EPB41L4A: variants seen among roughly 807,000 people sequenced by gnomAD.
The protein encoded by EPB41L4A is erythrocyte membrane protein band 4.1 like 4A.
A neutral mutation model predicts 108.6 loss-of-function variants in EPB41L4A; 100 were observed. The observed-to-expected ratio is 0.92, with a 90% CI of 0.78 to 1.09. The LOEUF (loss-of-function observed/expected upper bound fraction) is 1.09, where lower values mean the gene tolerates loss of function less well. Ranked by LOEUF, EPB41L4A falls within the 50% of genes least tolerant of loss-of-function variation. The pLI is 0.00. For synonymous variants in EPB41L4A, 319 were observed against 289.0 expected (o/e 1.10, Z -1.05); for missense variants, 1,030 against 842.7 (o/e 1.22, Z -2.75).
chr5:112,145,738 C>T (rs1239561223), intron 13 of EPB41L4A: 1 of 305,120 alleles, frequency 3.3e-6, no homozygotes, highest in Non-Finnish European at 6.4e-6. Flanking sequence ...ATTTGATAAA[C>T]GTGCATACAA....
chr5:112,192,554 C>T (rs1266523918), intron 17 of EPB41L4A, among the ~76,000 whole-genome samples: 4 of 152,162 alleles, frequency 2.6e-5, no homozygotes, highest in African/African-American at 9.7e-5. Flanking sequence ...CATTCAGAAT[C>T]ACCGTTATTC....
intron 2 of EPB41L4A, among the ~76,000 whole-genome samples, chr5:112,302,254 C>G (rs943086698): frequency 6.6e-6 from 1 of 152,024 alleles, no homozygotes; most frequent in African/African-American, 2.4e-5. Context: ...ACCTATAATC[C>G]TAGCACTTTG....
At chr5:112,273,505 T>A (rs539878372) in intron 4 of EPB41L4A, among the ~76,000 whole-genome samples, 1 of 152,190 alleles carries the variant, frequency 6.6e-6, no homozygotes, top group Non-Finnish European at 1.5e-5. Context: ...CTAACCCCTA[T>A]TGAAGATATA....
chr5:112,354,995 G>T (rs1758279712), intron 1 of EPB41L4A, among the ~76,000 whole-genome samples: 1 of 151,976 alleles, frequency 6.6e-6, no homozygotes, highest in East Asian at 1.9e-4. Context: ...AACAAAAGGA[G>T]GAAGGGGGAA....
At chr5:112,337,786 T>G (rs1757018646) in intron 1 of EPB41L4A, among the ~76,000 whole-genome samples, 1 of 152,094 alleles carries the variant, frequency 6.6e-6, no homozygotes, top group Non-Finnish European at 1.5e-5. Flanking sequence ...CTAGGAAAAT[T>G]GAGAGGAGAA....
intron 9 of EPB41L4A, among the ~76,000 whole-genome samples, chr5:112,251,928 CCT>C (rs1418225145): frequency 6.6e-6 from 1 of 152,062 alleles, no homozygotes; most frequent in East Asian, 1.9e-4. Flanking sequence ...ACTCTTAGGC[CCT>C]CTGTCTTGGC....
intron 2 of EPB41L4A, among the ~76,000 whole-genome samples, chr5:112,289,605 C>G (rs1339429514): frequency 6.6e-6 from 1 of 152,220 alleles, no homozygotes; most frequent in East Asian, 1.9e-4. Context: ...CCTTTGCCCT[C>G]TGGATGTTTT....
At chr5:112,369,798 C>T (rs1439362810) in intron 1 of EPB41L4A, among the ~76,000 whole-genome samples, 1 of 152,196 alleles carries the variant, frequency 6.6e-6, no homozygotes, top group East Asian at 1.9e-4. Context: ...CTTGGCACTA[C>T]TTCAGACTGG....
intron 1 of EPB41L4A, among the ~76,000 whole-genome samples, chr5:112,410,014 TC>T (rs1404471317): frequency 2.0e-5 from 3 of 152,082 alleles, no homozygotes; most frequent in African/African-American, 7.2e-5. Flanking sequence ...TGAAATGCAG[TC>T]TGGATTAGGG....
intron 15 of EPB41L4A, among the ~76,000 whole-genome samples, chr5:112,202,697 G>A (rs1169759725): frequency 1.3e-5 from 2 of 151,994 alleles, no homozygotes; most frequent in African/African-American, 2.4e-5. Flanking sequence ...AACCATCAAA[G>A]GATTTCAGTG....
At chr5:112,174,811 A>C (rs1304084835) in intron 18 of EPB41L4A, among the ~76,000 whole-genome samples, 1 of 152,204 alleles carries the variant, frequency 6.6e-6, no homozygotes, top group Non-Finnish European at 1.5e-5. Context: ...TCTGAAAGGA[A>C]ATTTAGAGTG....
intron 1 of EPB41L4A, among the ~76,000 whole-genome samples, chr5:112,377,568 C>T (rs933143756): frequency 4.3e-4 from 66 of 152,216 alleles, no homozygotes; most frequent in African/African-American, 1.5e-3. Context: ...ATTCATGAGG[C>T]CCAGCAACTC....
intron 2 of EPB41L4A, among the ~76,000 whole-genome samples, chr5:112,286,517 G>C (rs1443245711): frequency 6.6e-6 from 1 of 152,122 alleles, no homozygotes; most frequent in African/African-American, 2.4e-5. Context: ...CTCAGCTGAA[G>C]ATCTTCATTA....
chr5:112,210,160 C>T (rs17134247), intron 12 of EPB41L4A, 178 bp from the exon 13 acceptor site: 7,861 of 501,988 alleles, frequency 0.016, 514 homozygotes, highest in African/African-American at 0.13. Context: ...TATTTTCTAA[C>T]GTGTACTAAA....
At chr5:112,219,145 A>C (rs1747862991) in intron 12 of EPB41L4A, among the ~76,000 whole-genome samples, 1 of 152,172 alleles carries the variant, frequency 6.6e-6, no homozygotes, top group African/African-American at 2.4e-5. Context: ...GAAAGTTGAT[A>C]TGGTTTGGCT....
chr5:112,360,832 G>A (rs1371143798), intron 1 of EPB41L4A, among the ~76,000 whole-genome samples: 5 of 151,338 alleles, frequency 3.3e-5, no homozygotes, highest in Admixed American at 2.0e-4. Context: ...TGTGGGGAGC[G>A]CCTCTGCCCC....
At position 112,209,885 on chromosome 5, in the gene EPB41L4A, C is replaced by A. The variant is rs771213287; in HGVS notation, c.1178+7G>T. On this transcript the variant is annotated splice_region_variant and intron_variant, in intron 13 of 22. Transcript: ENST00000261486. ...AATTGTACGTTTCTTCAGTTAACTT[C>A]ACTGACCTTTTTACTGGTGAAGGTG... 1 of 1,561,626 alleles carries A rather than the reference C, an allele frequency of 6.4e-7. No individual in the cohort carries two copies. Among genetic ancestry groups the A allele is most frequent in the Admixed American group, 1.7e-5 (1 of 58,796 alleles).
At chr5:112,309,283 G>T (rs561170720) in intron 1 of EPB41L4A, among the ~76,000 whole-genome samples, 19 of 152,212 alleles carry the variant, frequency 1.2e-4, no homozygotes, top group Admixed American at 3.9e-4. Flanking sequence ...CCAAGATTTT[G>T]ATGTATGTAG....
intron 12 of EPB41L4A, among the ~76,000 whole-genome samples, chr5:112,148,252 A>C (rs1759340403): frequency 6.7e-6 from 1 of 149,258 alleles, no homozygotes; most frequent in South Asian, 2.1e-4. Flanking sequence ...TAGTTTCCAT[A>C]GGTTTCTTTG....
Sources: gnomAD v4.1 joint callset for allele counts (sites outside exome capture counted in the v4.1 genomes callset) on GRCh38, gnomAD v4.1.1 for gene constraint, MANE v1.5 for transcripts, NCBI Gene and HGNC (gene_info 2026-07-23, HGNC 2026-07-21) for gene names.